Variants in GPC5 observed in about 807,000 individuals in gnomAD.
GPC5 encodes the protein glypican-5.
A neutral mutation model predicts 53.9 loss-of-function variants in GPC5; 47 were observed. That is an observed-to-expected ratio of 0.87 (90% CI 0.69 to 1.11). The LOEUF is 1.11. Among genes scored for constraint, GPC5 ranks in the 50% most tolerant of loss-of-function variants. The pLI is 0.00. For missense variants in GPC5, 748 were observed against 713.1 expected, an observed-to-expected ratio of 1.05 and a Z score of -0.56; for synonymous variants, 286 against 263.3, an observed-to-expected ratio of 1.09 and a Z score of -0.84.
intron 3 of GPC5, among the ~76,000 whole-genome samples, chr13:91,711,256 C>A (rs1277413895): frequency 6.6e-6 from 1 of 152,032 alleles, no homozygotes; most frequent in African/African-American, 2.4e-5. Context: ...ACATATACAC[C>A]ACGGAATACT....
chr13:92,000,770 G>C (rs1444358737), intron 6 of GPC5, among the ~76,000 whole-genome samples: 2 of 152,106 alleles, frequency 1.3e-5, no homozygotes, highest in Non-Finnish European at 2.9e-5. Flanking sequence ...TTGGTATTTA[G>C]CATGCCTCTG....
intron 7 of GPC5, among the ~76,000 whole-genome samples, chr13:92,608,284 A>C (rs1884319957): frequency 1.3e-5 from 2 of 152,194 alleles, no homozygotes; most frequent in East Asian, 3.9e-4. Flanking sequence ...ATTAACTGTT[A>C]ATTGTGCACA....
chr13:92,010,990 G>A (rs1313324330), intron 6 of GPC5, among the ~76,000 whole-genome samples: 2 of 152,152 alleles, frequency 1.3e-5, no homozygotes, highest in Non-Finnish European at 2.9e-5. Flanking sequence ...CTGGAAGGAG[G>A]TACAGAGCTC....
At chr13:92,411,163 G>A (rs185324164) in intron 7 of GPC5, among the ~76,000 whole-genome samples, 4 of 152,196 alleles carry the variant, frequency 2.6e-5, no homozygotes, top group East Asian at 3.9e-4. Context: ...TCAGCTACTC[G>A]GGAGGCTGAG....
chr13:92,737,022 T>C (rs1189818629), intron 7 of GPC5, among the ~76,000 whole-genome samples: 1 of 152,038 alleles, frequency 6.6e-6, no homozygotes, highest in Admixed American at 6.6e-5. Context: ...TGTAAGGTTC[T>C]AATTAATTGG....
chr13:91,831,460 C>T (rs914227110), intron 5 of GPC5, among the ~76,000 whole-genome samples: 7 of 151,892 alleles, frequency 4.6e-5, no homozygotes, highest in Non-Finnish European at 8.8e-5. Flanking sequence ...CTTTGTATCC[C>T]TCAATCCAAT....
At chr13:92,754,597 G>A (rs1302183166) in intron 7 of GPC5, among the ~76,000 whole-genome samples, 1 of 151,330 alleles carries the variant, frequency 6.6e-6, no homozygotes, top group Non-Finnish European at 1.5e-5. Context: ...CTCACGTGCA[G>A]AGACACACAT....
intron 7 of GPC5, among the ~76,000 whole-genome samples, chr13:92,849,425 G>A (rs577284484): frequency 6.6e-6 from 1 of 152,294 alleles, no homozygotes; most frequent in Non-Finnish European, 1.5e-5. Context: ...TTTAATAAAT[G>A]TAATAAGCAT....
intron 7 of GPC5, among the ~76,000 whole-genome samples, chr13:92,313,907 C>T (rs1007928838): frequency 8.5e-5 from 13 of 152,172 alleles, no homozygotes; most frequent in Non-Finnish European, 1.6e-4. Context: ...GGAGATTTTT[C>T]CATATCCAGA....
chr13:92,232,929 CA>C (rs939410539), intron 7 of GPC5, among the ~76,000 whole-genome samples: 8 of 152,158 alleles, frequency 5.3e-5, no homozygotes, highest in African/African-American at 1.9e-4. Flanking sequence ...CAACTTGACC[CA>C]AAGAACTTCT....
chr13:91,545,004 C>G (rs2030196276), intron 2 of GPC5, among the ~76,000 whole-genome samples: 2 of 152,172 alleles, frequency 1.3e-5, no homozygotes, highest in South Asian at 4.1e-4. Context: ...CCCCAGGGGT[C>G]TAACAATAGG....
intron 2 of GPC5, among the ~76,000 whole-genome samples, chr13:91,597,507 A>G (rs1437250324): frequency 1.3e-5 from 2 of 151,844 alleles, no homozygotes; most frequent in African/African-American, 2.4e-5. Context: ...CAGCACCTCA[A>G]CTCATGAGTT....
intron 7 of GPC5, among the ~76,000 whole-genome samples, chr13:92,760,425 T>C (rs895532498): frequency 1.3e-5 from 2 of 152,118 alleles, no homozygotes; most frequent in African/African-American, 4.8e-5. Flanking sequence ...TCTAGGAATT[T>C]GTTCATTTCA....
At chr13:91,833,917 TA>T (rs762418637) in intron 5 of GPC5, among the ~76,000 whole-genome samples, 1 of 151,924 alleles carries the variant, frequency 6.6e-6, no homozygotes, top group East Asian at 1.9e-4. Flanking sequence ...GAGAAAGAAA[TA>T]AAGTGTATTC....
intron 7 of GPC5, among the ~76,000 whole-genome samples, chr13:92,456,656 C>T (rs1223050302): frequency 6.6e-6 from 1 of 152,130 alleles, no homozygotes; most frequent in Non-Finnish European, 1.5e-5. Context: ...GCTCAGACTG[C>T]TCATCCATGA....
chr13:91,915,346 T>G (rs755017366), intron 6 of GPC5, among the ~76,000 whole-genome samples: 2 of 152,150 alleles, frequency 1.3e-5, no homozygotes, highest in Admixed American at 6.6e-5. Context: ...AGACATTTCA[T>G]TTAAAAAAAT....
chr13:92,659,405 T>C (rs1184580590), intron 7 of GPC5, among the ~76,000 whole-genome samples: 1 of 84,606 alleles, frequency 1.2e-5, no homozygotes, highest in Non-Finnish European at 3.0e-5. Flanking sequence ...TTGACTTTTT[T>C]TTTTTTTTTT....
intron 7 of GPC5, among the ~76,000 whole-genome samples, chr13:92,383,180 A>G (rs2043764677): frequency 1.3e-5 from 2 of 152,188 alleles, no homozygotes; most frequent in Admixed American, 6.5e-5. Context: ...TCCCAAAGGA[A>G]ACATTAAAGA....
chr13:91,973,813 G>A (rs535696692), intron 6 of GPC5, among the ~76,000 whole-genome samples: 7 of 152,258 alleles, frequency 4.6e-5, no homozygotes, highest in Non-Finnish European at 7.4e-5. Context: ...TTGGTGACCC[G>A]CAAATGCTGC....
Sources: gnomAD v4.1 joint callset for allele counts (sites outside exome capture counted in the v4.1 genomes callset) on GRCh38, gnomAD v4.1.1 for gene constraint, MANE v1.5 for transcripts, NCBI Gene and HGNC (gene_info 2026-07-23, HGNC 2026-07-21) for gene names.